BLK: variants seen among roughly 807,000 people sequenced by gnomAD.
BLK encodes the protein BLK proto-oncogene, Src family tyrosine kinase.
Under a neutral mutation model 61.8 loss-of-function variants are expected in BLK, and 64 were observed. That is an observed-to-expected ratio of 1.03 (90% CI 0.85 to 1.27). The LOEUF (loss-of-function observed/expected upper bound fraction) is 1.27, where lower values mean the gene tolerates loss of function less well. Among genes scored for constraint, BLK ranks in the 50% most tolerant of loss-of-function variants. BLK has a pLI of 0.00. For synonymous variants in BLK, 351 were observed against 272.0 expected, an observed-to-expected ratio of 1.29 and a Z score of -2.86; for missense variants, 853 against 660.5, an observed-to-expected ratio of 1.29 and a Z score of -3.19.
At chr8:11,508,074 A>G (rs1438531068) in intron 1 of BLK, among the ~76,000 whole-genome samples, 2 of 152,146 alleles carry the variant, frequency 1.3e-5, no homozygotes, top group Admixed American at 6.5e-5. Context: ...CAGCCCCGTG[A>G]TGTCATCAGG....
chr8:11,504,770 C>T (rs1291565064), intron 1 of BLK, among the ~76,000 whole-genome samples: 1 of 152,184 alleles, frequency 6.6e-6, no homozygotes, highest in Non-Finnish European at 1.5e-5. Flanking sequence ...AGGGTGCTGG[C>T]ATATTTAGTG....
In BLK at chr8:11,510,165, T is replaced by A. The variant is rs1257871570; in HGVS notation, c.-2+15574T>A. The stretch of plus-strand genomic sequence containing the variant: ...GGAGCTGGAGAGTGTTCTTTCCTAA[T>A]CCCTTCAAGGAATTACGATGATATG... On this transcript the variant is annotated intron_variant, in intron 1 of 12. Transcript: ENST00000259089. Among the ~76,000 whole-genome samples, 3 of 152,230 alleles carry A rather than the reference T, an allele frequency of 2.0e-5. No homozygotes were observed. The East Asian group carries it at 5.8e-4, about 29-fold the overall frequency.
At chr8:11,555,593 G>C (rs931222410) in intron 8 of BLK, 109 bp downstream of exon 8, 3 of 1,517,290 alleles carry the variant, frequency 2.0e-6, no homozygotes, top group Non-Finnish European at 2.7e-6. Context: ...CAGAAGTCTT[G>C]AGAGGGAGCG....
At chr8:11,556,541 C>T (rs1563121537) in intron 8 of BLK, 117 bp from the exon 9 acceptor site, 2 of 1,280,064 alleles carry the variant, frequency 1.6e-6, no homozygotes, top group East Asian at 2.4e-5. Flanking sequence ...CTGCATGTTC[C>T]AGCTCTGGCA....
intron 1 of BLK, among the ~76,000 whole-genome samples, chr8:11,527,193 A>G (rs367551790): frequency 1.3e-5 from 2 of 152,216 alleles, no homozygotes; most frequent in Non-Finnish European, 2.9e-5. Context: ...ACCAAAGACT[A>G]TACAAAACTC....
In BLK at chr8:11,564,570, CTT is replaced by C; in HGVS notation, c.*465_*466del. On this transcript the variant is annotated 3_prime_UTR_variant, in exon 13 of 13. Transcript: ENST00000259089. ...TAGGCTGCGCTCCAGCACTGCGGGGCTTTTCTGCAATAAAGTCACGAGCGTTC... is the reference window on the plus strand; with the variant it reads ...TAGGCTGCGCTCCAGCACTGCGGGGCTTCTGCAATAAAGTCACGAGCGTTC... 2.3e-6 allele frequency: 1 copy of C among 437,700 alleles called. No homozygotes were observed. Among genetic ancestry groups the C allele is most frequent in the Non-Finnish European group, 4.6e-6 (1 of 217,912 alleles). The allele number at this position is 437,700 out of a possible 1,614,324, so 27.1% of individuals were successfully genotyped here. A position where few individuals can be genotyped will look rare whatever the true frequency, so the allele number is the denominator to read the frequency against.
chr8:11,548,666 G>A (rs17806523), intron 4 of BLK, among the ~76,000 whole-genome samples: 18,269 of 152,208 alleles, frequency 0.12, 1,531 homozygotes, highest in Non-Finnish European at 0.19. Context: ...CCAAGCTCAC[G>A]AAGGTCCTGA....
At chr8:11,530,421 G>A (rs942525180) in intron 1 of BLK, among the ~76,000 whole-genome samples, 1 of 152,184 alleles carries the variant, frequency 6.6e-6, no homozygotes, top group African/African-American at 2.4e-5. Context: ...CTGTAGGTCA[G>A]CCTCGATTTC....
chr8:11,558,813 G>A, intron 10 of BLK: 1 of 455,648 alleles, frequency 2.2e-6, no homozygotes, highest in Non-Finnish European at 4.4e-6. Context: ...GCACACACGT[G>A]CGTACACATA....
chr8:11,548,904 C>G (rs1349742782), intron 4 of BLK, 120 bp from the exon 5 acceptor site: 4 of 916,716 alleles, frequency 4.4e-6, no homozygotes, highest in Non-Finnish European at 7.0e-6. Flanking sequence ...CTGCCGTACT[C>G]TCTACCCCTG....
intron 1 of BLK, among the ~76,000 whole-genome samples, chr8:11,538,985 C>A (rs754038858): frequency 6.6e-6 from 1 of 152,226 alleles, no homozygotes; most frequent in African/African-American, 2.4e-5. Context: ...GTCAAAGTCA[C>A]ATGAAGTCTT....
intron 12 of BLK, 122 bp downstream of exon 12, chr8:11,563,232 C>T (rs896824861): frequency 1.7e-5 from 24 of 1,426,010 alleles, no homozygotes; most frequent in Admixed American, 6.1e-5. Flanking sequence ...AGAGCGAAGA[C>T]GGAGACCCAG....
chr8:11,557,014 G>A (rs997089160), intron 9 of BLK, among the ~76,000 whole-genome samples, 177 bp downstream of exon 9: 18 of 152,232 alleles, frequency 1.2e-4, no homozygotes, highest in African/African-American at 4.1e-4. Flanking sequence ...GGGAGGGTGA[G>A]AAACAGGAGG....
Position 11,511,580 on chromosome 8 carries a change from A to G in BLK, c.-2+16989A>G, listed in dbSNP as rs189328784. 4.0e-3 allele frequency among the ~76,000 whole-genome samples: 606 copies of G among 152,348 alleles called. 2 individuals carry two copies. The highest frequency in any genetic ancestry group is 6.6e-3 in the Non-Finnish European group (451 of 68,038). On this transcript the variant is annotated intron_variant, in intron 1 of 12. Coordinates refer to ENST00000259089, the MANE Select transcript of BLK (RefSeq NM_001715.3). ...AAACACAAGTGTGTATACCTGGAGC[A>G]AAGAACATGGGGTGTAATTCAATTT...
At chr8:11,524,511 C>G (rs1311247849) in intron 1 of BLK, among the ~76,000 whole-genome samples, 2 of 152,204 alleles carry the variant, frequency 1.3e-5, no homozygotes, top group Admixed American at 1.3e-4. Context: ...GTACAGGGAA[C>G]TACATACTTC....
At chr8:11,528,897 C>T (rs940948281) in intron 1 of BLK, among the ~76,000 whole-genome samples, 11 of 152,086 alleles carry the variant, frequency 7.2e-5, no homozygotes, top group East Asian at 3.9e-4. Flanking sequence ...GGGAGCTGAA[C>T]GGTGAGAACA....
At chr8:11,559,214 C>A (rs1801366358) in intron 10 of BLK, among the ~76,000 whole-genome samples, 2 of 152,150 alleles carry the variant, frequency 1.3e-5, no homozygotes, top group Non-Finnish European at 2.9e-5. Context: ...GGTGAGGAGC[C>A]AGAAAATCAG....
intron 10 of BLK, chr8:11,558,319 G>A (rs540990345): frequency 1.1e-5 from 5 of 463,442 alleles, no homozygotes; most frequent in Admixed American, 3.3e-5. Context: ...TGTTCCGAAG[G>A]AAGAGAGGGC....
At chr8:11,558,831 A>C (rs1334918329) in intron 10 of BLK, 1 of 443,712 alleles carries the variant, frequency 2.3e-6, no homozygotes, top group Non-Finnish European at 4.5e-6. Flanking sequence ...ATACACACAC[A>C]CATACAGCTG....
Sources: allele counts gnomAD v4.1 joint callset (sites outside exome capture counted in the v4.1 genomes callset), GRCh38; gene constraint gnomAD v4.1.1; transcripts MANE v1.5; gene names NCBI Gene and HGNC (gene_info 2026-07-23, HGNC 2026-07-21).